KCNMA1: variants seen among roughly 807,000 people sequenced by gnomAD.
KCNMA1 encodes Calcium-activated potassium channel subunit alpha-1.
KCNMA1 carries 29 observed loss-of-function variants against 140.0 expected under a neutral mutation model. The ratio of observed to expected loss-of-function variants is 0.21; its 90% CI spans 0.15 to 0.28. The LOEUF (loss-of-function observed/expected upper bound fraction) is 0.28. KCNMA1 is among the 10% of genes least tolerant of loss of function. The probability of loss-of-function intolerance (pLI) is 1.00; values close to 1 mark genes in which losing one functional copy is unlikely to be tolerated. For missense variants in KCNMA1, 880 were observed against 1,602.2 expected (o/e 0.55, Z 7.70); for synonymous variants, 612 against 611.9 (o/e 1.00, Z 0.00).
At chr10:77,455,503 G>A (rs1420794443) in intron 1 of KCNMA1, among the ~76,000 whole-genome samples, 4 of 151,988 alleles carry the variant, frequency 2.6e-5, no homozygotes, top group African/African-American at 7.3e-5. Flanking sequence ...TTCCTTCTCC[G>A]AGTCCACTCA....
intron 19 of KCNMA1, among the ~76,000 whole-genome samples, chr10:76,999,802 T>G (rs1220464940): frequency 2.0e-5 from 3 of 152,152 alleles, no homozygotes; most frequent in Admixed American, 6.5e-5. Flanking sequence ...TTGGCACTGC[T>G]CTGGAGCAGC....
intron 2 of KCNMA1, among the ~76,000 whole-genome samples, chr10:77,267,806 T>C (rs956513): frequency 0.91 from 138,879 of 152,276 alleles, 63,500 homozygotes; most frequent in East Asian, 0.99. Flanking sequence ...AACAATAGAA[T>C]GGCTGCTGCA....
At chr10:77,274,664 T>C (rs920145487) in intron 2 of KCNMA1, among the ~76,000 whole-genome samples, 1 of 152,118 alleles carries the variant, frequency 6.6e-6, no homozygotes, top group Non-Finnish European at 1.5e-5. Context: ...ACAAACACAT[T>C]GGATGCCACA....
intron 1 of KCNMA1, among the ~76,000 whole-genome samples, chr10:77,513,889 T>C (rs1246420653): frequency 2.0e-5 from 3 of 152,128 alleles, no homozygotes; most frequent in African/African-American, 4.8e-5. Flanking sequence ...CAGGGCTGAC[T>C]CAAGCTCATT....
At chr10:77,567,426 C>A (rs140677449) in intron 1 of KCNMA1, among the ~76,000 whole-genome samples, 43 of 152,294 alleles carry the variant, frequency 2.8e-4, no homozygotes, top group Non-Finnish European at 4.6e-4. Context: ...TCCAGATAAG[C>A]GTGTGTAACT....
At chr10:76,962,640 T>C (rs747701375) in intron 20 of KCNMA1, among the ~76,000 whole-genome samples, 108 of 152,224 alleles carry the variant, frequency 7.1e-4, no homozygotes, top group Non-Finnish European at 2.2e-4. Flanking sequence ...TTATTTTCCC[T>C]TCCTGGGAAC....
At chr10:77,347,093 C>G (rs2092280676) in intron 2 of KCNMA1, among the ~76,000 whole-genome samples, 2 of 152,082 alleles carry the variant, frequency 1.3e-5, no homozygotes, top group South Asian at 4.2e-4. Context: ...CCTCAGTTTC[C>G]CCATCTGTAA....
At position 77,532,327 on chromosome 10, in the gene KCNMA1, G is replaced by A. The variant is rs191141040; in HGVS notation, c.378+104938C>T. ...TGACTTTGAGTTCCCAATGATGTGC[G>A]CAAAAGGGACAGATTCTCCCCGCCA... On this transcript the variant is annotated intron_variant, in intron 1 of 27. Transcript: ENST00000286628. Among the ~76,000 whole-genome samples the A allele has an allele frequency of 9.9e-5, 15 of 152,240 alleles. No individual in the cohort carries two copies. The South Asian group carries it at 1.0e-3, about 11-fold the overall frequency.
At chr10:77,563,376 C>T (rs967358774) in intron 1 of KCNMA1, among the ~76,000 whole-genome samples, 1 of 152,158 alleles carries the variant, frequency 6.6e-6, no homozygotes, top group Admixed American at 6.5e-5. Context: ...TGAAGCTTTT[C>T]CTCCCTTCTG....
At chr10:77,113,976 C>T (rs2097388339) in intron 6 of KCNMA1, among the ~76,000 whole-genome samples, 1 of 152,176 alleles carries the variant, frequency 6.6e-6, no homozygotes, top group African/African-American at 2.4e-5. Flanking sequence ...TAGCTCCCTA[C>T]TTAAGTATTT....
chr10:77,264,678 T>C (rs2062929329), intron 2 of KCNMA1, among the ~76,000 whole-genome samples: 1 of 152,134 alleles, frequency 6.6e-6, no homozygotes, highest in African/African-American at 2.4e-5. Flanking sequence ...TACTGCATGG[T>C]TTTTCCATGT....
At chr10:76,890,053 G>A (rs2039236762) in intron 26 of KCNMA1, among the ~76,000 whole-genome samples, 1 of 152,188 alleles carries the variant, frequency 6.6e-6, no homozygotes, top group South Asian at 2.1e-4. Flanking sequence ...GTCCTATGGT[G>A]ACAGACTCTT....
intron 2 of KCNMA1, among the ~76,000 whole-genome samples, chr10:77,301,948 T>C (rs1409042557): frequency 1.3e-5 from 2 of 150,928 alleles, no homozygotes; most frequent in Non-Finnish European, 3.0e-5. Flanking sequence ...CCAGGTGGAG[T>C]GACCTCTCAT....
chr10:77,521,796 C>T (rs987319823), intron 1 of KCNMA1, among the ~76,000 whole-genome samples: 7 of 152,168 alleles, frequency 4.6e-5, no homozygotes, highest in African/African-American at 1.7e-4. Context: ...CTCCCAACAC[C>T]AGGATCCTTT....
chr10:76,945,390 C>T (rs1420355504), intron 22 of KCNMA1, among the ~76,000 whole-genome samples: 2 of 152,014 alleles, frequency 1.3e-5, no homozygotes, highest in Non-Finnish European at 2.9e-5. Flanking sequence ...TATTTAATAG[C>T]GGGTCACTTC....
chr10:77,249,260 G>A (rs10824504), intron 3 of KCNMA1, among the ~76,000 whole-genome samples: 4,348 of 152,192 alleles, frequency 0.029, 213 homozygotes, highest in East Asian at 0.22. Flanking sequence ...AGGCCTAGAA[G>A]GATCACAATT....
At chr10:77,351,188 A>G (rs553843874) in intron 2 of KCNMA1, among the ~76,000 whole-genome samples, 1 of 152,362 alleles carries the variant, frequency 6.6e-6, no homozygotes, top group South Asian at 2.1e-4. Context: ...TGTAAGTGAC[A>G]GAAGTGAAGA....
intron 2 of KCNMA1, among the ~76,000 whole-genome samples, chr10:77,342,979 C>T (rs1247832568): frequency 6.6e-6 from 1 of 152,150 alleles, no homozygotes; most frequent in Non-Finnish European, 1.5e-5. Flanking sequence ...GAGCTTTGAC[C>T]TTGAGAAAGA....
intron 20 of KCNMA1, among the ~76,000 whole-genome samples, chr10:76,957,944 A>G (rs2069068301): frequency 6.6e-6 from 1 of 152,258 alleles, no homozygotes; most frequent in Non-Finnish European, 1.5e-5. Flanking sequence ...CTGTTGCTGT[A>G]GTAATTTCAA....
Sources: gnomAD v4.1 joint callset for allele counts (sites outside exome capture counted in the v4.1 genomes callset) on GRCh38, gnomAD v4.1.1 for gene constraint, MANE v1.5 for transcripts, NCBI Gene and HGNC (gene_info 2026-07-23, HGNC 2026-07-21) for gene names.